NADSYN1: variants seen among roughly 807,000 people sequenced by gnomAD.
The protein encoded by NADSYN1 is glutamine-dependent NAD(+) synthetase.
Under a neutral mutation model 99.3 loss-of-function variants are expected in NADSYN1, and 80 were observed. That is an observed-to-expected ratio of 0.81 (90% CI 0.67 to 0.97). The LOEUF (loss-of-function observed/expected upper bound fraction) is 0.97, where lower values mean the gene tolerates loss of function less well. Among genes scored for constraint, NADSYN1 ranks in the 50% least tolerant of loss-of-function variants. NADSYN1 has a pLI of 0.00. For synonymous variants in NADSYN1, 385 were observed against 372.1 expected (o/e 1.03, Z -0.40); for missense variants, 859 against 948.5 (o/e 0.91, Z 1.24).
chr11:71,481,311 G>C, intron 11 of NADSYN1, 45 bp from the exon 12 acceptor site: 1 of 1,606,506 alleles, frequency 6.2e-7, no homozygotes, highest in Non-Finnish European at 8.5e-7. Context: ...GGTGCTGTGG[G>C]CAGGGGCCAC....
In NADSYN1 at chr11:71,485,241, C is replaced by G. The variant is rs1417332813; in HGVS notation, c.1456-301C>G. 3 of 214,604 alleles carry G rather than the reference C, an allele frequency of 1.4e-5. No homozygotes were observed. The East Asian group carries it at 3.6e-4, about 26-fold the overall frequency. 13.3% of individuals were successfully genotyped at this position (214,604 alleles called of 1,614,324 possible). A position where few individuals can be genotyped will look rare whatever the true frequency, so the allele number is the denominator to read the frequency against. ...AAGGGATGGAAATGCAGTTGCCAAG[C>G]TTTCTCCCAGGGACCCCACGGCTCA... is the stretch of plus-strand genomic sequence containing the variant. On this transcript the variant is annotated intron_variant, in intron 15 of 20. Coordinates refer to ENST00000319023, the MANE Select transcript of NADSYN1 (RefSeq NM_018161.5).
At chr11:71,454,414 G>A (rs1452269621) in intron 1 of NADSYN1, among the ~76,000 whole-genome samples, 1 of 152,196 alleles carries the variant, frequency 6.6e-6, no homozygotes, top group Non-Finnish European at 1.5e-5. Context: ...GTTTCACCAT[G>A]GTGGCCATGC....
intron 3 of NADSYN1, among the ~76,000 whole-genome samples, chr11:71,461,139 C>T (rs183731957): frequency 7.9e-5 from 12 of 152,172 alleles, no homozygotes; most frequent in Admixed American, 5.2e-4. Context: ...TTTCCTGGTG[C>T]GTTGTTCGGT....
At chr11:71,460,438 C>A (rs538741841) in intron 3 of NADSYN1, among the ~76,000 whole-genome samples, 1 of 152,360 alleles carries the variant, frequency 6.6e-6, no homozygotes, top group East Asian at 1.9e-4. Flanking sequence ...GCAGCCTCGA[C>A]CTCCTGGGCT....
intron 2 of NADSYN1, among the ~76,000 whole-genome samples, 176 bp from the exon 3 acceptor site, chr11:71,458,252 A>C (rs1949525978): frequency 6.6e-6 from 1 of 152,210 alleles, no homozygotes; most frequent in Admixed American, 6.5e-5. Context: ...AGTACGGCAC[A>C]TCTGGCTGCG....
intron 5 of NADSYN1, among the ~76,000 whole-genome samples, chr11:71,471,587 T>C (rs1025968126): frequency 7.9e-5 from 12 of 152,282 alleles, no homozygotes; most frequent in East Asian, 1.9e-4. Flanking sequence ...AAGGGAGAGA[T>C]GTTTGGACGG....
In NADSYN1 at chr11:71,463,451, G is replaced by A. The variant is rs370156479; in HGVS notation, c.283G>A (p.Val95Ile). The A allele has an allele frequency of 5.3e-5, 86 of 1,614,036 alleles. No individual in the cohort carries two copies. In the African/African-American group the frequency reaches 8.7e-4, roughly 16 times the overall value. Reference protein sequence around the residue: ...DVGMPVMHRNVRYNCRVIFLN... With the variant: ...DVGMPVMHRNIRYNCRVIFLN... ...CTGCAGGCCTGTAATGCACCGAAAC[G>A]TCCGCTACAACTGCAGAGTGATATT... The change falls in exon 4 of 21, where the codon GTC becomes ATC. Residue 95 changes from valine (V) to isoleucine (I), a missense_variant. Physicochemically the swap from Val to Ile is conservative, Grantham distance 29 (BLOSUM62 3). Transcript: ENST00000319023.
Position 71,497,530 on chromosome 11 carries a change from C to T in NADSYN1, c.1812C>T (p.Leu604=). ...CGGAGCTCTCGGTCTATGGGAAACT[C>T]AGGAAGGTGGCCAAGATGGGGCCCT... The part of the protein sequence containing the change: ...TYAELSVYGK[L]RKVAKMGPYS... Residue 604 remains leucine, a synonymous_variant, in exon 19 of 21, where the codon CTC becomes CTT. Transcript: ENST00000319023. 1 of 1,614,104 alleles carries T rather than the reference C, an allele frequency of 6.2e-7. No homozygotes were observed. The highest frequency in any genetic ancestry group is 8.5e-7 in the Non-Finnish European group (1 of 1,180,036).
intron 5 of NADSYN1, among the ~76,000 whole-genome samples, chr11:71,469,514 G>A (rs989910039): frequency 6.6e-6 from 1 of 152,202 alleles, no homozygotes; most frequent in Non-Finnish European, 1.5e-5. Context: ...CATATTTATT[G>A]ACAGCAAGCC....
chr11:71,453,314 C>G lies in NADSYN1; in HGVS notation c.18C>G (p.Thr6=), dbSNP rs144185668. 6.2e-7 allele frequency: 1 copy of G among 1,613,648 alleles called. No individual in the cohort carries two copies. The highest frequency in any genetic ancestry group is 8.5e-7 in the Non-Finnish European group (1 of 1,179,792). Residue 6 remains threonine, a synonymous_variant, in exon 1 of 21, where the codon ACC becomes ACG. Coordinates refer to ENST00000319023, the MANE Select transcript of NADSYN1 (RefSeq NM_018161.5). MGRKV[T]VATCALNQWA... The stretch of plus-strand genomic sequence containing the variant: ...CGGCCAGGATGGGCCGGAAGGTGAC[C>G]GTGGCCACCTGCGCACTCAACCAGT...
chr11:71,486,143 C>A (rs902512351), intron 16 of NADSYN1, among the ~76,000 whole-genome samples: 1 of 152,338 alleles, frequency 6.6e-6, no homozygotes, highest in South Asian at 2.1e-4. Flanking sequence ...GCTAGAAATT[C>A]TTTTCCAGCC....
rs776627270 is a variant in NADSYN1 at position 71,482,927 on chromosome 11, G to A, written c.1229G>A (p.Gly410Glu). 2.1e-5 allele frequency: 34 copies of A among 1,613,248 alleles called. No individual in the cohort carries two copies. The South Asian group carries it at 3.5e-4, about 17-fold the overall frequency. Residue 410 changes from glycine to glutamate, a missense_variant, in exon 14 of 21, where the codon GGA (glycine) becomes GAA (glutamate). Physicochemically the swap from Gly to Glu is moderately conservative, Grantham distance 98. Coordinates refer to ENST00000319023, the MANE Select transcript of NADSYN1 (RefSeq NM_018161.5). The part of the protein sequence containing the change: ...YTPQDPRDLC[G>E]RILTTCYMAS... ...CCCCAGGATCCCCGAGACCTCTGTG[G>A]ACGCATACTGACCACCTGCTACATG... is the stretch of plus-strand genomic sequence containing the variant.
In NADSYN1 at chr11:71,481,393, C is replaced by A. The variant is rs59379414; in HGVS notation, c.1036C>A (p.Arg346=). The change falls in exon 12 of 21, where the codon CGA becomes AGA. Residue 346 remains arginine, a synonymous_variant. Coordinates refer to ENST00000319023, the MANE Select transcript of NADSYN1 (RefSeq NM_018161.5). ...CTGCTGGCTCTGGGATTTTTTAAGA[C>A]GAAGTCAACAGGTAAGACTTCCAGT... The part of the protein sequence containing the change: ...PACWLWDFLR[R]SQQAGFLLPL... The A allele has an allele frequency of 0.062, 100,766 of 1,613,604 alleles. 4,018 individuals are homozygous for A. Among genetic ancestry groups the A allele is most frequent in the African/African-American group, 0.14 (10,757 of 74,886 alleles).
intron 20 of NADSYN1, among the ~76,000 whole-genome samples, chr11:71,500,842 C>T (rs1949852209): frequency 6.6e-6 from 1 of 152,170 alleles, no homozygotes; most frequent in Non-Finnish European, 1.5e-5. Context: ...ATCCCTGAGT[C>T]CCAGTGTCCC....
chr11:71,469,195 T>C (rs1949611833), intron 5 of NADSYN1, among the ~76,000 whole-genome samples: 1 of 152,208 alleles, frequency 6.6e-6, no homozygotes, highest in African/African-American at 2.4e-5. Context: ...TGGTGGCTCA[T>C]GCCTGTAATC....
At chr11:71,456,464 C>T (rs966949631) in intron 2 of NADSYN1, among the ~76,000 whole-genome samples, 1 of 152,220 alleles carries the variant, frequency 6.6e-6, no homozygotes, top group African/African-American at 2.4e-5. Context: ...CTGATCGTCT[C>T]GTGAGCCTGA....
In NADSYN1 at chr11:71,480,633, C is replaced by T. The variant is rs1051569317; in HGVS notation, c.874-122C>T. 12 of 1,445,032 alleles carry T rather than the reference C, an allele frequency of 8.3e-6. No individual in the cohort carries two copies. In the Admixed American group the frequency reaches 1.8e-4, roughly 21 times the overall value. 89.5% of individuals were successfully genotyped at this position (1,445,032 alleles called of 1,614,324 possible). On this transcript the variant is annotated intron_variant, in intron 10 of 20. Coordinates refer to ENST00000319023, the MANE Select transcript of NADSYN1 (RefSeq NM_018161.5). ...GCCATCCTCGTGGGAGTGAGGGTGG[C>T]CTCACTGTGGTTTTGACATGCGTTT... is the stretch of plus-strand genomic sequence containing the variant.
Position 71,473,270 on chromosome 11 carries a change from G to C in NADSYN1, c.460-8G>C, listed in dbSNP as rs202237374. ...TGAATCTCATGCACTCTTCTCTTCCGACTGCAGGAAACCGTACCCTTCGGA... is the reference window on the plus strand; with the variant it reads ...TGAATCTCATGCACTCTTCTCTTCCCACTGCAGGAAACCGTACCCTTCGGA... On this transcript the variant is annotated splice_polypyrimidine_tract_variant and splice_region_variant and intron_variant, in intron 6 of 20. Transcript: ENST00000319023. The C allele has an allele frequency of 6.2e-7, 1 of 1,613,886 alleles. No individual in the cohort carries two copies.
chr11:71,492,339 A>G (rs548669028), intron 18 of NADSYN1, among the ~76,000 whole-genome samples: 1 of 152,198 alleles, frequency 6.6e-6, no homozygotes, highest in East Asian at 1.9e-4. Context: ...AAAATCCATG[A>G]CACTCCAGCC....
Sources: allele counts gnomAD v4.1 joint callset (sites outside exome capture counted in the v4.1 genomes callset), GRCh38; gene constraint gnomAD v4.1.1; transcripts MANE v1.5; gene names NCBI Gene and HGNC (gene_info 2026-07-23, HGNC 2026-07-21).